CACNA2D3: variants seen among roughly 807,000 people sequenced by gnomAD.
CACNA2D3 encodes the protein voltage-dependent calcium channel subunit alpha-2/delta-3.
Under a neutral mutation model 160.6 loss-of-function variants are expected in CACNA2D3, and 60 were observed. That is an observed-to-expected ratio of 0.37 (90% CI 0.30 to 0.46). The LOEUF (loss-of-function observed/expected upper bound fraction) is 0.46. Ranked by LOEUF, CACNA2D3 falls within the 20% of genes least tolerant of loss-of-function variation. The pLI, the probability that CACNA2D3 is intolerant of heterozygous loss-of-function variation, is 1.00. For synonymous variants in CACNA2D3, 558 were observed against 492.9 expected (o/e 1.13, Z -1.75); for missense variants, 1,205 against 1,365.0 (o/e 0.88, Z 1.85).
intron 5 of CACNA2D3, among the ~76,000 whole-genome samples, chr3:54,547,187 T>G (rs1702078724): frequency 6.6e-6 from 1 of 152,202 alleles, no homozygotes; most frequent in Non-Finnish European, 1.5e-5. Flanking sequence ...TGTTAATAGT[T>G]CTTGGCTAAC....
At chr3:54,353,540 C>T (rs1476859713) in intron 3 of CACNA2D3, among the ~76,000 whole-genome samples, 1 of 152,056 alleles carries the variant, frequency 6.6e-6, no homozygotes, top group East Asian at 1.9e-4. Context: ...AACCACATCT[C>T]TAAAGCAAGG....
At chr3:54,511,933 G>A (rs1011495695) in intron 5 of CACNA2D3, among the ~76,000 whole-genome samples, 1 of 152,200 alleles carries the variant, frequency 6.6e-6, no homozygotes, top group Non-Finnish European at 1.5e-5. Flanking sequence ...CTTCAGCACC[G>A]TGAAAATTGC....
chr3:54,699,637 T>G (rs1419858213), intron 11 of CACNA2D3, among the ~76,000 whole-genome samples: 1 of 152,174 alleles, frequency 6.6e-6, no homozygotes, highest in African/African-American at 2.4e-5. Flanking sequence ...TCAGCAGTGA[T>G]TCTTCTGAAT....
At chr3:54,894,867 C>T (rs1700152821) in intron 25 of CACNA2D3, 2 of 334,992 alleles carry the variant, frequency 6.0e-6, no homozygotes. Flanking sequence ...GCTTGTCTAC[C>T]AAGATGAGCC....
chr3:54,411,426 T>C (rs1390256633), intron 4 of CACNA2D3, among the ~76,000 whole-genome samples: 2 of 152,304 alleles, frequency 1.3e-5, no homozygotes, highest in South Asian at 2.1e-4. Flanking sequence ...CACTCCAACC[T>C]TTAGCAACCA....
intron 4 of CACNA2D3, among the ~76,000 whole-genome samples, chr3:54,406,962 G>A (rs1008991530): frequency 6.6e-6 from 1 of 152,090 alleles, no homozygotes; most frequent in Non-Finnish European, 1.5e-5. Context: ...AAGGACAGTG[G>A]AACAGCAAAC....
chr3:54,871,200 C>CAGAG lies in CACNA2D3; in HGVS notation c.1627-338_1627-337insGAGA, dbSNP rs1233871646. 7.1e-4 allele frequency among the ~76,000 whole-genome samples: 67 copies of CAGAG among 94,144 alleles called. 1 individual carries two copies. Among genetic ancestry groups the CAGAG allele is most frequent in the African/African-American group, 2.9e-3 (58 of 19,850 alleles). The allele number at this position is 94,144 out of a possible 152,430, so 61.8% of individuals were successfully genotyped here. A position where few individuals can be genotyped will look rare whatever the true frequency, so the allele number is the denominator to read the frequency against. ...AGGTGGAGACACACACACACACACA[C>CAGAG]ACACACACACACACACACACACACC... On this transcript the variant is annotated intron_variant, in intron 17 of 37. Coordinates refer to ENST00000474759, the MANE Select transcript of CACNA2D3 (RefSeq NM_018398.3).
intron 35 of CACNA2D3, among the ~76,000 whole-genome samples, chr3:55,035,848 T>C (rs1293739819): frequency 6.6e-6 from 1 of 152,194 alleles, no homozygotes; most frequent in East Asian, 1.9e-4. Flanking sequence ...TGGTTCTATA[T>C]GTTATGTGAA....
intron 29 of CACNA2D3, among the ~76,000 whole-genome samples, chr3:54,977,804 T>C (rs1702423773): frequency 6.6e-6 from 1 of 152,152 alleles, no homozygotes; most frequent in South Asian, 2.1e-4. Context: ...AAGAAAGAAT[T>C]CATGGAAAGT....
intron 4 of CACNA2D3, among the ~76,000 whole-genome samples, chr3:54,472,434 A>G (rs749483488): frequency 2.0e-5 from 3 of 152,220 alleles, no homozygotes; most frequent in Non-Finnish European, 4.4e-5. Context: ...ACCACAGCCA[A>G]TATCATACTG....
At chr3:54,229,718 C>T (rs964515846) in intron 2 of CACNA2D3, among the ~76,000 whole-genome samples, 6 of 152,084 alleles carry the variant, frequency 3.9e-5, no homozygotes, top group South Asian at 2.1e-4. Context: ...GTTTTGCTTG[C>T]GTGACAATTC....
chr3:54,206,177 T>C (rs1005459432), intron 2 of CACNA2D3, among the ~76,000 whole-genome samples: 1 of 152,240 alleles, frequency 6.6e-6, no homozygotes, highest in African/African-American at 2.4e-5. Flanking sequence ...CTCATTCTCT[T>C]TTCGCATTTC....
rs1276494183 is a variant in CACNA2D3, at chr3:54,562,836, C to T, written c.581C>T (p.Ser194Phe). The change falls in exon 6 of 38, where the codon TCT (serine) becomes TTT (phenylalanine). Residue 194 changes from serine (S) to phenylalanine (F), a missense_variant. Coordinates refer to ENST00000474759, the MANE Select transcript of CACNA2D3 (RefSeq NM_018398.3). ...GTCAATGGGGTTTATTGGTCTGAATCTCTAAACAAAGTTTTTGTAGATAAC... is the reference window on the plus strand; with the variant it reads ...GTCAATGGGGTTTATTGGTCTGAATTTCTAAACAAAGTTTTTGTAGATAAC... ...AIVNGVYWSE[S>F]LNKVFVDNFD... 1 of 1,612,912 alleles carries T rather than the reference C, an allele frequency of 6.2e-7. No individual in the cohort carries two copies. Among genetic ancestry groups the T allele is most frequent in the East Asian group, 2.2e-5 (1 of 44,860 alleles).
At chr3:54,702,003 G>A (rs1700775199) in intron 11 of CACNA2D3, among the ~76,000 whole-genome samples, 1 of 152,080 alleles carries the variant, frequency 6.6e-6, no homozygotes, top group African/African-American at 2.4e-5. Flanking sequence ...AACAAGCAAT[G>A]GGGAAAGGAC....
intron 2 of CACNA2D3, among the ~76,000 whole-genome samples, chr3:54,228,302 G>A (rs1214762998): frequency 6.6e-6 from 1 of 152,178 alleles, no homozygotes; most frequent in African/African-American, 2.4e-5. Flanking sequence ...CACTTAACTG[G>A]TTGCAATCTT....
intron 4 of CACNA2D3, among the ~76,000 whole-genome samples, chr3:54,472,906 T>G (rs1700760213): frequency 6.6e-6 from 1 of 152,070 alleles, no homozygotes; most frequent in African/African-American, 2.4e-5. Context: ...TAGAAAAACA[T>G]TCCTTGCTCA....
intron 27 of CACNA2D3, among the ~76,000 whole-genome samples, chr3:54,923,131 A>G (rs1700901350): frequency 6.6e-6 from 1 of 152,192 alleles, no homozygotes; most frequent in South Asian, 2.1e-4. Flanking sequence ...GACCTTTTAC[A>G]TTGTAATCAG....
intron 4 of CACNA2D3, among the ~76,000 whole-genome samples, chr3:54,494,770 G>T (rs1701176854): frequency 6.6e-6 from 1 of 152,134 alleles, no homozygotes; most frequent in Admixed American, 6.5e-5. Flanking sequence ...GGAGGCCTCA[G>T]GAAACTTACA....
At chr3:55,037,282 G>A (rs141725060) in intron 35 of CACNA2D3, among the ~76,000 whole-genome samples, 6 of 152,298 alleles carry the variant, frequency 3.9e-5, no homozygotes, top group Non-Finnish European at 5.9e-5. Flanking sequence ...TCTGGGCCAC[G>A]ATTAGGAGAT....
Sources: allele counts gnomAD v4.1 joint callset (sites outside exome capture counted in the v4.1 genomes callset), GRCh38; gene constraint gnomAD v4.1.1; transcripts MANE v1.5; gene names NCBI Gene and HGNC (gene_info 2026-07-23, HGNC 2026-07-21).